The following UGCG variants were observed in gnomAD, a reference collection of about 807,000 sequenced individuals.
UGCG encodes the protein ceramide glucosyltransferase.
A neutral mutation model predicts 49.5 loss-of-function variants in UGCG; 10 were observed. The observed-to-expected ratio is 0.20, with a 90% CI of 0.12 to 0.34. The LOEUF (loss-of-function observed/expected upper bound fraction) is 0.34, where lower values mean the gene tolerates loss of function less well. Among genes scored for constraint, UGCG ranks in the 10% least tolerant of loss-of-function variants. UGCG has a pLI of 1.00. For missense variants in UGCG, 312 were observed against 483.7 expected, an observed-to-expected ratio of 0.65 and a Z score of 3.33; for synonymous variants, 182 against 158.2, an observed-to-expected ratio of 1.15 and a Z score of -1.13.
chr9:111,933,063 C>A lies in UGCG; in HGVS notation c.*66C>A. The A allele has an allele frequency of 7.8e-7, 1 of 1,287,450 alleles. No homozygotes were observed. Among genetic ancestry groups the A allele is most frequent in the South Asian group, 2.7e-5 (1 of 36,526 alleles). 79.8% of individuals were successfully genotyped at this position (1,287,450 alleles called of 1,614,324 possible). On this transcript the variant is annotated 3_prime_UTR_variant, in exon 9 of 9. Coordinates refer to ENST00000374279, the MANE Select transcript of UGCG (RefSeq NM_003358.3). ...ATTATAAATTATGTTTATATAAATGCTTTTAAAAATCTACCTTCTGTAGTT... is the reference window on the plus strand; with the variant it reads ...ATTATAAATTATGTTTATATAAATGATTTTAAAAATCTACCTTCTGTAGTT...
At chr9:111,919,419 G>T (rs1838175456) in intron 2 of UGCG, among the ~76,000 whole-genome samples, 1 of 151,420 alleles carries the variant, frequency 6.6e-6, no homozygotes, top group Non-Finnish European at 1.5e-5. Context: ...GGAAGTTGAG[G>T]CTATAGTGAG....
intron 1 of UGCG, among the ~76,000 whole-genome samples, chr9:111,903,956 TAAA>T (rs539614223): frequency 1.5e-4 from 23 of 151,990 alleles, no homozygotes; most frequent in Middle Eastern, 6.8e-3. Flanking sequence ...ATCAAGGGCT[TAAA>T]AAAAAGAAAC....
intron 1 of UGCG, among the ~76,000 whole-genome samples, chr9:111,906,418 T>C (rs995498266): frequency 6.6e-6 from 1 of 151,684 alleles, no homozygotes; most frequent in Non-Finnish European, 1.5e-5. Flanking sequence ...GTTTCTTTTG[T>C]GTGTGTGTTT....
intron 8 of UGCG, 47 bp downstream of exon 8, chr9:111,932,406 G>T (rs763851135): frequency 5.2e-6 from 8 of 1,527,314 alleles, no homozygotes; most frequent in Non-Finnish European, 7.1e-6. Flanking sequence ...GGTGGAACTA[G>T]AACTATTTCA....
intron 6 of UGCG, among the ~76,000 whole-genome samples, chr9:111,930,512 G>T (rs1187463796): frequency 6.7e-6 from 1 of 149,836 alleles, no homozygotes; most frequent in East Asian, 2.0e-4. Flanking sequence ...CTGACATCCA[G>T]GCTGGAGTGC....
intron 3 of UGCG, among the ~76,000 whole-genome samples, chr9:111,924,463 TG>T (rs1249140944): frequency 2.6e-5 from 4 of 152,178 alleles, no homozygotes; most frequent in African/African-American, 9.6e-5. Context: ...TACCATACAT[TG>T]TTGTTACCTA....
At chr9:111,901,405 C>G (rs983240318) in intron 1 of UGCG, among the ~76,000 whole-genome samples, 2 of 152,138 alleles carry the variant, frequency 1.3e-5, no homozygotes, top group Admixed American at 1.3e-4. Context: ...GTTCATCAGT[C>G]AGGATCATTG....
chr9:111,927,608 T>C (rs929352679), intron 5 of UGCG, among the ~76,000 whole-genome samples: 31 of 152,102 alleles, frequency 2.0e-4, no homozygotes, highest in Admixed American at 7.9e-4. Context: ...CCCGCCACCA[T>C]GCCTGGCTAA....
chr9:111,920,001 A>C (rs1838191805), intron 2 of UGCG, among the ~76,000 whole-genome samples: 1 of 152,008 alleles, frequency 6.6e-6, no homozygotes, highest in African/African-American at 2.4e-5. Flanking sequence ...TCTGGATGGG[A>C]GGCTGACTGA....
chr9:111,912,739 G>C (rs576268669), intron 1 of UGCG, among the ~76,000 whole-genome samples: 3 of 152,200 alleles, frequency 2.0e-5, no homozygotes, highest in Non-Finnish European at 2.9e-5. Context: ...TTGCAAACCA[G>C]TAAAAAGCAA....
At chr9:111,898,667 A>C (rs373497621) in intron 1 of UGCG, among the ~76,000 whole-genome samples, 7 of 152,182 alleles carry the variant, frequency 4.6e-5, no homozygotes, top group East Asian at 1.9e-4. Flanking sequence ...TTTTACCGTC[A>C]TAAAAATAAA....
chr9:111,923,014 C>A, intron 3 of UGCG, 63 bp downstream of exon 3: 2 of 1,081,552 alleles, frequency 1.8e-6, no homozygotes, highest in Admixed American at 2.0e-5. Flanking sequence ...GTAATCTCTG[C>A]ATTGAACTGA....
chr9:111,920,607 C>T (rs1179179542), intron 2 of UGCG, among the ~76,000 whole-genome samples: 2 of 152,118 alleles, frequency 1.3e-5, no homozygotes, highest in Middle Eastern at 3.2e-3. Flanking sequence ...TCAGGTGATC[C>T]ACCTGCCCTG....
chr9:111,916,209 A>G (rs72757803), intron 2 of UGCG, among the ~76,000 whole-genome samples: 19,561 of 152,226 alleles, frequency 0.13, 1,733 homozygotes, highest in East Asian at 0.33. Context: ...TGCAAAGGAG[A>G]ATTAATGTTT....
intron 1 of UGCG, among the ~76,000 whole-genome samples, chr9:111,903,953 G>A (rs560073644): frequency 1.2e-4 from 19 of 152,126 alleles, no homozygotes; most frequent in Non-Finnish European, 2.4e-4. Context: ...CACATCAAGG[G>A]CTTAAAAAAA....
intron 2 of UGCG, among the ~76,000 whole-genome samples, chr9:111,918,873 G>A (rs906180988): frequency 1.5e-4 from 22 of 150,798 alleles, no homozygotes; most frequent in African/African-American, 4.4e-4. Flanking sequence ...TGCAGTGAGC[G>A]GAGATCGCGC....
intron 1 of UGCG, 43 bp downstream of exon 1, chr9:111,897,356 G>A: frequency 6.7e-7 from 1 of 1,497,268 alleles, no homozygotes; most frequent in Non-Finnish European, 9.0e-7. Context: ...AGGGGTCCGG[G>A]CCTCGGAGAC....
chr9:111,904,569 T>C (rs1837841208), intron 1 of UGCG, among the ~76,000 whole-genome samples: 1 of 152,102 alleles, frequency 6.6e-6, no homozygotes, highest in Non-Finnish European at 1.5e-5. Flanking sequence ...CTTTAAAAAA[T>C]TGAACTAGAG....
rs41306480 is a variant in UGCG, at chr9:111,915,773, G to A, written c.240+1027G>A. On this transcript the variant is annotated intron_variant, in intron 2 of 8. Transcript: ENST00000374279. Reference sequence around the variant, plus strand: ...TTTTCTTTTAGCCTTTATTTTTCTCGGTAGCACCAATGAAAAGAATAGAGA... The same window carrying A: ...TTTTCTTTTAGCCTTTATTTTTCTCAGTAGCACCAATGAAAAGAATAGAGA... The A allele has an allele frequency of 1.1e-3, 1,056 of 984,616 alleles. 1 individual carries two copies. The highest frequency in any genetic ancestry group is 1.2e-3 in the Non-Finnish European group (999 of 829,580). 61.0% of individuals were successfully genotyped at this position (984,616 alleles called of 1,614,324 possible). A position where few individuals can be genotyped will look rare whatever the true frequency, so the allele number is the denominator to read the frequency against.
Sources: gnomAD v4.1 joint callset for allele counts (sites outside exome capture counted in the v4.1 genomes callset) on GRCh38, gnomAD v4.1.1 for gene constraint, MANE v1.5 for transcripts, NCBI Gene and HGNC (gene_info 2026-07-23, HGNC 2026-07-21) for gene names.